The following KIF5B variants were observed in gnomAD, a reference collection of about 807,000 sequenced individuals.
KIF5B encodes kinesin family member 5B.
A neutral mutation model predicts 132.8 loss-of-function variants in KIF5B; 49 were observed. The observed-to-expected ratio is 0.37, with a 90% CI of 0.29 to 0.47. KIF5B has a LOEUF of 0.47. Among genes scored for constraint, KIF5B ranks in the 20% least tolerant of loss-of-function variants. The pLI is 1.00. For synonymous variants in KIF5B, 355 were observed against 369.4 expected, an observed-to-expected ratio of 0.96 and a Z score of 0.45; for missense variants, 780 against 1,144.0, an observed-to-expected ratio of 0.68 and a Z score of 4.59.
rs772124743 is a variant in KIF5B, at chr10:32,015,558, C to T, written c.2863G>A (p.Val955Met). The change falls in exon 25 of 26, where the codon GTG becomes ATG. Residue 955 changes from valine (V) to methionine (M), a missense_variant. Around this residue, in one of 9 missense-constraint regions of KIF5B, gnomAD observed 90 missense variants for 101.8 expected, o/e 0.88. Transcript: ENST00000302418. ...ACTTGTTTGCCTCCTCCACCTCGCACTGCCACTGGCTGGCTGTTCTGAACA... is the reference window on the plus strand; with the variant it reads ...ACTTGTTTGCCTCCTCCACCTCGCATTGCCACTGGCTGGCTGTTCTGAACA... ...AFVQNSQPVA[V>M]RGGGGKQV is the part of the protein sequence containing the mutation. 9.9e-6 allele frequency: 16 copies of T among 1,613,078 alleles called. No homozygotes were observed. In the Admixed American group the frequency reaches 2.3e-4, roughly 24 times the overall value.
chr10:32,028,613 A>G (rs754948970), intron 14 of KIF5B, 42 bp from the exon 15 acceptor site: 3 of 1,544,362 alleles, frequency 1.9e-6, no homozygotes, highest in South Asian at 2.3e-5. Context: ...AATCTACTAC[A>G]TGAAAATTCA....
intron 25 of KIF5B, 123 bp downstream of exon 25, chr10:32,015,386 C>T (rs1423085379): frequency 1.5e-6 from 1 of 668,798 alleles, no homozygotes; most frequent in Non-Finnish European, 2.4e-6. Flanking sequence ...AACTAAATTA[C>T]TTTTATAATG....
chr10:32,048,302 T>C (rs1295878814), intron 2 of KIF5B, among the ~76,000 whole-genome samples, 162 bp downstream of exon 2: 1 of 152,242 alleles, frequency 6.6e-6, no homozygotes, highest in Non-Finnish European at 1.5e-5. Context: ...AATAGAATAT[T>C]TACTAATTGT....
intron 24 of KIF5B, among the ~76,000 whole-genome samples, chr10:32,016,234 A>G (rs1252962228): frequency 6.6e-6 from 1 of 152,104 alleles, no homozygotes; most frequent in East Asian, 1.9e-4. Context: ...AGGCAGGTGG[A>G]TCATCTGAGG....
At chr10:32,034,111 ATTTT>A (rs11288781) in intron 11 of KIF5B, 73 bp from the exon 12 acceptor site, 97 of 695,552 alleles carry the variant, frequency 1.4e-4, no homozygotes, top group East Asian at 3.4e-4. Context: ...TCCTTTAAAA[ATTTT>A]TTTTTTTTTT....
At chr10:32,052,844 G>T (rs1402122872) in intron 1 of KIF5B, among the ~76,000 whole-genome samples, 1 of 152,148 alleles carries the variant, frequency 6.6e-6, no homozygotes, top group East Asian at 1.9e-4. Flanking sequence ...ATTAAAGGCT[G>T]TACAGCATAC....
intron 1 of KIF5B, among the ~76,000 whole-genome samples, chr10:32,053,846 A>AT (rs1841722372): frequency 6.6e-6 from 1 of 152,224 alleles, no homozygotes; most frequent in Non-Finnish European, 1.5e-5. Flanking sequence ...CAATGTATCC[A>AT]TTATTCCTAA....
At position 32,033,993 on chromosome 10, in the gene KIF5B, T is replaced by C. The variant is rs766599011; in HGVS notation, c.1157A>G (p.Asn386Ser). Residue 386 changes from asparagine (N) to serine (S), a missense_variant, in exon 12 of 26, where the codon AAC (asparagine) becomes AGC (serine). By Grantham distance (46) the Asn-to-Ser change is conservative. Transcript: ENST00000302418. ...TTTATCCACTGTGAAAGCTTCCAAG[T>C]TGGCTTTCTCTTTGTCAAACTGTTC... ...IDEQFDKEKA[N>S]LEAFTVDKDI... 1 of 1,602,672 alleles carries C rather than the reference T, an allele frequency of 6.2e-7. No individual in the cohort carries two copies. The highest frequency in any genetic ancestry group is 8.5e-7 in the Non-Finnish European group (1 of 1,175,044).
Position 32,054,955 on chromosome 10 carries a change from G to A in KIF5B, c.126+893C>T, listed in dbSNP as rs114271457. The stretch of plus-strand genomic sequence containing the variant: ...CCAAACAACAATTTTCTTCAAGATA[G>A]ACCTTAACTGCAGAAGTATGAATCT... On this transcript the variant is annotated intron_variant, in intron 1 of 25. Transcript: ENST00000302418. Among the ~76,000 whole-genome samples, 1,289 of 152,158 alleles carry A rather than the reference G, an allele frequency of 8.5e-3. 24 individuals are homozygous for A. The highest frequency in any genetic ancestry group is 0.029 in the African/African-American group (1,215 of 41,502).
chr10:32,049,030 T>G (rs967004998), intron 1 of KIF5B, among the ~76,000 whole-genome samples: 1 of 152,134 alleles, frequency 6.6e-6, no homozygotes, highest in Non-Finnish European at 1.5e-5. Context: ...CACCATGCTA[T>G]GTTGCCCAGG....
chr10:32,046,059 C>G (rs1424036518), intron 2 of KIF5B, among the ~76,000 whole-genome samples: 1 of 151,866 alleles, frequency 6.6e-6, no homozygotes, highest in Non-Finnish European at 1.5e-5. Flanking sequence ...TTACTAGATC[C>G]CCAGTATAAA....
rs766804630 is a variant in KIF5B at position 32,018,569 on chromosome 10, G to A, written c.2307-7C>T. ...TCGTCTATCTTGCATAACCCTAACA[G>A]TAGAAGAACAAACATATATTTTCAA... On this transcript the variant is annotated splice_region_variant and splice_polypyrimidine_tract_variant and intron_variant, in intron 20 of 25. Transcript: ENST00000302418. 3 of 1,601,838 alleles carry A rather than the reference G, an allele frequency of 1.9e-6. No homozygotes were observed. The highest frequency in any genetic ancestry group is 2.6e-6 in the Non-Finnish European group (3 of 1,173,678).
In KIF5B at chr10:32,056,096, C is replaced by A; in HGVS notation, c.-123G>T. The A allele has an allele frequency of 8.0e-7, 1 of 1,253,818 alleles. No homozygotes were observed. Among genetic ancestry groups the A allele is most frequent in the Non-Finnish European group, 1.1e-6 (1 of 922,610 alleles). 77.7% of individuals were successfully genotyped at this position (1,253,818 alleles called of 1,614,324 possible). Reference sequence around the variant, plus strand: ...TGAGAGGCAGCAGTCAGCTGCGCCGCGCTGCGCTTCCCCGGGTGGAGGCGG... The same window carrying A: ...TGAGAGGCAGCAGTCAGCTGCGCCGAGCTGCGCTTCCCCGGGTGGAGGCGG... On this transcript the variant is annotated 5_prime_UTR_variant, in exon 1 of 26. Transcript: ENST00000302418.
intron 2 of KIF5B, among the ~76,000 whole-genome samples, 193 bp from the exon 3 acceptor site, chr10:32,040,650 CA>C (rs1306524047): frequency 1.1e-4 from 16 of 150,444 alleles, no homozygotes; most frequent in African/African-American, 3.2e-4. Flanking sequence ...CACACACACA[CA>C]CACACACCCT....
Position 32,017,071 on chromosome 10 carries a change from G to A in KIF5B, c.2761+72C>T, listed in dbSNP as rs752127611. The stretch of plus-strand genomic sequence containing the variant: ...TGCACCATGACAACACATAAAATTC[G>A]GATTACGTTTTCCACTAAATGAAAG... On this transcript the variant is annotated intron_variant, in intron 24 of 25. Coordinates refer to ENST00000302418, the MANE Select transcript of KIF5B (RefSeq NM_004521.3). 5.1e-5 allele frequency: 64 copies of A among 1,250,750 alleles called. 1 individual carries two copies. Among genetic ancestry groups the A allele is most frequent in the Non-Finnish European group, 6.8e-5 (58 of 853,308 alleles). 77.5% of individuals were successfully genotyped at this position (1,250,750 alleles called of 1,614,324 possible). A position where few individuals can be genotyped will look rare whatever the true frequency, so the allele number is the denominator to read the frequency against.
intron 11 of KIF5B, 21 bp from the exon 12 acceptor site, chr10:32,034,059 G>T: frequency 2.7e-6 from 4 of 1,456,888 alleles, no homozygotes; most frequent in Non-Finnish European, 1.8e-6. Context: ...AAAATAAAGT[G>T]GTTAATAAAA....
chr10:32,028,321 T>G, intron 15 of KIF5B, 107 bp downstream of exon 15: 3 of 872,740 alleles, frequency 3.4e-6, no homozygotes, highest in Non-Finnish European at 5.3e-6. Flanking sequence ...CGACTGTTTG[T>G]GAGGATGAGA....
At chr10:32,018,720 C>A (rs1376669599) in intron 20 of KIF5B, among the ~76,000 whole-genome samples, 158 bp from the exon 21 acceptor site, 2 of 150,302 alleles carry the variant, frequency 1.3e-5, no homozygotes, top group East Asian at 3.9e-4. Context: ...TGCTGTCTTT[C>A]AAAAAAAAAA....
intron 2 of KIF5B, among the ~76,000 whole-genome samples, chr10:32,046,709 T>G (rs940996123): frequency 6.6e-6 from 1 of 152,196 alleles, no homozygotes; most frequent in Non-Finnish European, 1.5e-5. Context: ...TGACCCACCA[T>G]GTCTGGCCTT....
Sources: allele counts gnomAD v4.1 joint callset (sites outside exome capture counted in the v4.1 genomes callset), GRCh38; gene constraint gnomAD v4.1.1; regional missense constraint gnomAD v4.1.1; transcripts MANE v1.5; gene names NCBI Gene and HGNC (gene_info 2026-07-23, HGNC 2026-07-21).